Variants in STRA8 observed in about 807,000 individuals in gnomAD.
STRA8 encodes stimulated by retinoic acid 8.
In STRA8, 18 loss-of-function variants were observed where a neutral mutation model predicts 37.1. The ratio of observed to expected loss-of-function variants is 0.48; its 90% confidence interval spans 0.34 to 0.72. The LOEUF is 0.72. Among genes scored for constraint, STRA8 ranks in the 30% least tolerant of loss-of-function variants. The pLI, the probability that STRA8 is intolerant of heterozygous loss-of-function variation, is 0.01. For synonymous variants in STRA8, 168 were observed against 162.9 expected (o/e 1.03, Z -0.24); for missense variants, 357 against 410.4 (o/e 0.87, Z 1.13).
chr7:135,237,870 C>T (rs566130891), intron 1 of STRA8, among the ~76,000 whole-genome samples: 2 of 151,376 alleles, frequency 1.3e-5, no homozygotes, highest in Non-Finnish European at 2.9e-5. Flanking sequence ...CCAACCCAGG[C>T]GACAGAGCCA....
intron 8 of STRA8, among the ~76,000 whole-genome samples, chr7:135,257,658 C>T (rs1585483444): frequency 6.6e-6 from 1 of 152,064 alleles, no homozygotes; most frequent in East Asian, 1.9e-4. Flanking sequence ...AACTCCTAAC[C>T]TCAGGTGATC....
chr7:135,242,572 G>A lies in STRA8; in HGVS notation c.193-209G>A, dbSNP rs113597337. Among the ~76,000 whole-genome samples, 90 of 152,246 alleles carry A rather than the reference G, an allele frequency of 5.9e-4. 2 individuals are homozygous for A. The highest frequency in any genetic ancestry group is 3.4e-3 in the Middle Eastern group (1 of 294). On this transcript the variant is annotated intron_variant, in intron 2 of 8. Coordinates refer to ENST00000662584, the MANE Select transcript of STRA8 (RefSeq NM_001394401.1). ...CTCTTTCCAAATCCTTTGGCATTTC[G>A]GTGAGAACCCACTTCTAGGCTACAA...
chr7:135,239,726 G>A (rs1159700897), intron 1 of STRA8, among the ~76,000 whole-genome samples: 2 of 152,146 alleles, frequency 1.3e-5, no homozygotes, highest in Non-Finnish European at 2.9e-5. Flanking sequence ...CTCTCCTAGG[G>A]AAGGGCTTCT....
intron 1 of STRA8, among the ~76,000 whole-genome samples, 54 bp downstream of exon 1, chr7:135,233,957 G>A (rs1585463467): frequency 6.6e-6 from 1 of 152,182 alleles, no homozygotes; most frequent in Non-Finnish European, 1.5e-5. Context: ...GCATATGAGT[G>A]TTTGTGTAGA....
Position 135,246,521 on chromosome 7 carries a change from T to A in STRA8, c.698T>A (p.Leu233Gln). The A allele has an allele frequency of 1.9e-6, 3 of 1,576,422 alleles. No individual in the cohort carries two copies. The highest frequency in any genetic ancestry group is 1.2e-5 in the South Asian group (1 of 86,048). The change falls in exon 6 of 9, where the codon CTG (leucine) becomes CAG (glutamine). Residue 233 changes from leucine to glutamine, a missense_variant. Leu to Gln is a moderately radical substitution (Grantham distance 113). Coordinates refer to ENST00000662584, the MANE Select transcript of STRA8 (RefSeq NM_001394401.1). This position sits in a 1 kb window ranked among gnomAD's most constrained non-coding sequence, Gnocchi z 5.4. ...LPIVSAAISH[L>Q]WQNLSEERKA... is the part of the protein sequence containing the mutation. Reference sequence around the variant, plus strand: ...ATCGTCTCCGCGGCCATCTCCCACCTGTGGCAGAACCTCTCGGAGGAGAGG... The same window carrying A: ...ATCGTCTCCGCGGCCATCTCCCACCAGTGGCAGAACCTCTCGGAGGAGAGG...
Position 135,246,615 on chromosome 7 carries a change from A to G in STRA8, c.792A>G (p.Arg264=). 1 of 1,541,446 alleles carries G rather than the reference A, an allele frequency of 6.5e-7. No homozygotes were observed. Residue 264 remains arginine (R), a synonymous_variant, in exon 6 of 9, where the codon CGA becomes CGG. Coordinates refer to ENST00000662584, the MANE Select transcript of STRA8 (RefSeq NM_001394401.1). This position sits in a 1 kb window ranked among gnomAD's most constrained non-coding sequence, Gnocchi z 5.4. ...CTGCGACCCTGGCGGAGGCCTGCCG[A>G]GAGCCGGCCTGTGCCGAGGGCAGCG... ...RGPATLAEAC[R]EPACAEGSVK...
chr7:135,251,926 G>A, intron 7 of STRA8, 57 bp downstream of exon 7: 2 of 1,512,936 alleles, frequency 1.3e-6, no homozygotes, highest in Non-Finnish European at 1.8e-6. Flanking sequence ...GTGAGATTGT[G>A]TGTGCGCAGG....
intron 2 of STRA8, among the ~76,000 whole-genome samples, chr7:135,241,373 AG>A (rs1422882254): frequency 6.6e-6 from 1 of 152,128 alleles, no homozygotes; most frequent in Non-Finnish European, 1.5e-5. Context: ...CTGTGACTCC[AG>A]CCCCCTCAAG....
intron 6 of STRA8, among the ~76,000 whole-genome samples, chr7:135,249,759 T>C (rs190677910): frequency 7.8e-4 from 119 of 152,374 alleles, no homozygotes; most frequent in Admixed American, 2.9e-3. Context: ...AATTTGACTG[T>C]GCCAGCACGA....
chr7:135,255,215 A>C lies in STRA8; in HGVS notation c.1055A>C (p.Gln352Pro). 1 of 1,613,128 alleles carries C rather than the reference A, an allele frequency of 6.2e-7. No homozygotes were observed. The highest frequency in any genetic ancestry group is 8.5e-7 in the Non-Finnish European group (1 of 1,179,180). The change falls in exon 8 of 9, where the codon CAA (glutamine) becomes CCA (proline). Residue 352 changes from glutamine to proline, a missense_variant. Physicochemically the swap from Gln to Pro is moderately conservative, Grantham distance 76. Coordinates refer to ENST00000662584, the MANE Select transcript of STRA8 (RefSeq NM_001394401.1). ...FFKGLSCANTQVKQEASFPVD... is the reference protein window; with the variant it reads ...FFKGLSCANTPVKQEASFPVD... Reference sequence around the variant, plus strand: ...AAAGGCCTTAGCTGTGCAAACACTCAAGTAAAGCAGGTAGGATGGAGTAGA... The same window carrying C: ...AAAGGCCTTAGCTGTGCAAACACTCCAGTAAAGCAGGTAGGATGGAGTAGA...
chr7:135,247,689 A>G (rs1341383979), intron 6 of STRA8, among the ~76,000 whole-genome samples: 3 of 152,224 alleles, frequency 2.0e-5, no homozygotes, highest in African/African-American at 7.2e-5. Context: ...CCCAAAGAGC[A>G]CTGGGATCGC....
At position 135,245,418 on chromosome 7, in the gene STRA8, G is replaced by GAGC. The variant is rs34840853; in HGVS notation, c.486_487insCAG (p.Glu162_Glu163insGln). 2 of 620,148 alleles carry GAGC rather than the reference G, an allele frequency of 3.2e-6. No homozygotes were observed. Among genetic ancestry groups the GAGC allele is most frequent in the Non-Finnish European group, 5.8e-6 (2 of 345,682 alleles). 38.4% of individuals were successfully genotyped at this position (620,148 alleles called of 1,614,324 possible). A position where few individuals can be genotyped will look rare whatever the true frequency, so the allele number is the denominator to read the frequency against. ...AGAAGAAGAGGAGGAGGAAGAAGAA[G>GAGC]AGGAGGAGGAGGAAGAGGAGGAAGA... On this transcript the variant is annotated inframe_insertion, in exon 5 of 9. Transcript: ENST00000662584.
intron 6 of STRA8, among the ~76,000 whole-genome samples, chr7:135,250,347 G>A (rs1452541145): frequency 6.6e-6 from 1 of 152,176 alleles, no homozygotes; most frequent in Non-Finnish European, 1.5e-5. Flanking sequence ...CTGGGTCCCT[G>A]TTTCAGGCCT....
At chr7:135,242,929 G>A in intron 3 of STRA8, 73 bp downstream of exon 3, 2 of 1,493,812 alleles carry the variant, frequency 1.3e-6, no homozygotes, top group Non-Finnish European at 9.3e-7. Context: ...ATTGAAAACA[G>A]AAGTTGGGTT....
In STRA8 at chr7:135,245,271, T is replaced by C; in HGVS notation, c.354-17T>C. On this transcript the variant is annotated splice_polypyrimidine_tract_variant and intron_variant, in intron 4 of 8. Coordinates refer to ENST00000662584, the MANE Select transcript of STRA8 (RefSeq NM_001394401.1). ...GATATTAATCTATAGTTGTCTTGTT[T>C]CTGTTTTCTTTCCCAGCCTGCTTTC... The C allele has an allele frequency of 1.3e-6, 1 of 781,020 alleles. No individual in the cohort carries two copies. The highest frequency in any genetic ancestry group is 2.4e-6 in the Non-Finnish European group (1 of 418,098). 48.4% of individuals were successfully genotyped at this position (781,020 alleles called of 1,614,324 possible).
At chr7:135,240,766 G>C in intron 2 of STRA8, 50 bp downstream of exon 2, 2 of 1,596,124 alleles carry the variant, frequency 1.3e-6, no homozygotes, top group Non-Finnish European at 1.7e-6. Context: ...GGAAGGAGAC[G>C]TTTTCACAGG....
rs184431838 is a variant in STRA8 at position 135,253,187 on chromosome 7, G to T, written c.953+1318G>T. Among the ~76,000 whole-genome samples, 365 of 152,248 alleles carry T rather than the reference G, an allele frequency of 2.4e-3. 3 individuals carry two copies. Among genetic ancestry groups the T allele is most frequent in the African/African-American group, 8.5e-3 (352 of 41,524 alleles). On this transcript the variant is annotated intron_variant, in intron 7 of 8. Coordinates refer to ENST00000662584, the MANE Select transcript of STRA8 (RefSeq NM_001394401.1). The stretch of plus-strand genomic sequence containing the variant: ...TGACCTCAGATGATCCACCCACCTC[G>T]GCTCCCAAAATGCTAGGATTACAGG...
intron 1 of STRA8, among the ~76,000 whole-genome samples, chr7:135,237,323 A>G (rs1424232367): frequency 1.3e-5 from 2 of 152,206 alleles, no homozygotes; most frequent in African/African-American, 2.4e-5. Flanking sequence ...TCTTTGACAT[A>G]CTTTGCAACT....
intron 6 of STRA8, among the ~76,000 whole-genome samples, chr7:135,247,720 A>G (rs561422305): frequency 2.6e-5 from 4 of 152,322 alleles, no homozygotes; most frequent in African/African-American, 9.6e-5. Context: ...GGAGGTTACC[A>G]CAACTGCTAC....
Sources: gnomAD v4.1 joint callset for allele counts (sites outside exome capture counted in the v4.1 genomes callset) on GRCh38, gnomAD v4.1.1 for gene constraint, Gnocchi (gnomAD v3.1) non-coding constraint, MANE v1.5 for transcripts, NCBI Gene and HGNC (gene_info 2026-07-23, HGNC 2026-07-21) for gene names.